Variants in KCNIP4 observed in about 807,000 individuals in gnomAD.
KCNIP4 encodes the protein Kv channel-interacting protein 4.
In KCNIP4, 12 loss-of-function variants were observed where a neutral mutation model predicts 34.0. The observed-to-expected ratio is 0.35, with a 90% confidence interval of 0.23 to 0.57. The LOEUF is 0.57. Ranked by LOEUF, KCNIP4 falls within the 20% of genes least tolerant of loss-of-function variation. KCNIP4 has a pLI of 0.83. For missense variants in KCNIP4, 238 were observed against 311.7 expected, an observed-to-expected ratio of 0.76 and a Z score of 1.78; for synonymous variants, 124 against 102.2, an observed-to-expected ratio of 1.21 and a Z score of -1.29.
At chr4:20,912,653 C>T (rs1728436430) in intron 1 of KCNIP4, among the ~76,000 whole-genome samples, 1 of 151,982 alleles carries the variant, frequency 6.6e-6, no homozygotes, top group South Asian at 2.1e-4. Context: ...AATTTAGTAT[C>T]CAAAATACAT....
chr4:20,855,223 C>T (rs984294159), intron 2 of KCNIP4, among the ~76,000 whole-genome samples: 3 of 152,156 alleles, frequency 2.0e-5, no homozygotes, highest in African/African-American at 4.8e-5. Flanking sequence ...TTCAGTCCAG[C>T]TCCTTTGAAG....
At chr4:21,181,505 C>A (rs779489099) in intron 1 of KCNIP4, among the ~76,000 whole-genome samples, 5 of 152,054 alleles carry the variant, frequency 3.3e-5, no homozygotes, top group African/African-American at 1.2e-4. Flanking sequence ...CTCATCCATA[C>A]GTTCATGCAT....
intron 1 of KCNIP4, among the ~76,000 whole-genome samples, chr4:21,139,394 T>C (rs910685259): frequency 6.6e-6 from 1 of 152,234 alleles, no homozygotes; most frequent in African/African-American, 2.4e-5. Flanking sequence ...CAACATGTTT[T>C]TGAGCATGTA....
chr4:21,777,802 T>A (rs1719281325), intron 1 of KCNIP4, among the ~76,000 whole-genome samples: 1 of 152,226 alleles, frequency 6.6e-6, no homozygotes, highest in Non-Finnish European at 1.5e-5. Flanking sequence ...GTTCTTTACT[T>A]CTTGAATAAT....
At chr4:20,887,134 G>C (rs1418707692) in intron 1 of KCNIP4, among the ~76,000 whole-genome samples, 1 of 151,868 alleles carries the variant, frequency 6.6e-6, no homozygotes, top group African/African-American at 2.4e-5. Context: ...TTCATTAGAT[G>C]GACTTAACAG....
intron 1 of KCNIP4, among the ~76,000 whole-genome samples, chr4:21,221,431 T>C (rs1420938751): frequency 6.6e-6 from 1 of 152,038 alleles, no homozygotes; most frequent in East Asian, 1.9e-4. Flanking sequence ...CTTACAATCA[T>C]GGTGGAAGGG....
chr4:21,062,629 CT>C (rs1300331242), intron 1 of KCNIP4, among the ~76,000 whole-genome samples: 14 of 151,826 alleles, frequency 9.2e-5, no homozygotes, highest in African/African-American at 3.4e-4. Flanking sequence ...CATGGTGAGT[CT>C]GCAAGCAGGA....
chr4:21,291,931 GAAAGA>G (rs1763540989), intron 1 of KCNIP4, among the ~76,000 whole-genome samples: 2 of 67,296 alleles, frequency 3.0e-5, no homozygotes, highest in Non-Finnish European at 5.3e-5. Context: ...AAGAAAGAAA[GAAAGA>G]AAAAAAAAGA....
intron 1 of KCNIP4, among the ~76,000 whole-genome samples, chr4:21,563,356 T>C (rs1373020725): frequency 6.6e-6 from 1 of 152,140 alleles, no homozygotes; most frequent in Non-Finnish European, 1.5e-5. Context: ...GTCAAATTTT[T>C]ACATAAAGTC....
chr4:20,859,761 C>T (rs1168866885), intron 2 of KCNIP4, among the ~76,000 whole-genome samples: 1 of 152,186 alleles, frequency 6.6e-6, no homozygotes, highest in Non-Finnish European at 1.5e-5. Context: ...GCAAATCATG[C>T]CATCCAGAAC....
At chr4:20,790,854 C>T (rs1472503024) in intron 3 of KCNIP4, among the ~76,000 whole-genome samples, 4 of 152,000 alleles carry the variant, frequency 2.6e-5, no homozygotes, top group African/African-American at 9.7e-5. Flanking sequence ...CAGAATTTTC[C>T]AAGTGCCATT....
In KCNIP4 at chr4:21,670,680, G is replaced by T. The variant is rs188849277; in HGVS notation, c.61+277891C>A. Among the ~76,000 whole-genome samples, 195 of 152,140 alleles carry T rather than the reference G, an allele frequency of 1.3e-3. 2 individuals carry two copies. The East Asian group carries it at 0.018, about 14-fold the overall frequency. ...TGAGTAAACCTTTTCTTTTGAGATG[G>T]AGTCTTGCTCTGTCGCCCAGGCTGG... On this transcript the variant is annotated intron_variant, in intron 1 of 8. Transcript: ENST00000382152.
intron 1 of KCNIP4, among the ~76,000 whole-genome samples, chr4:21,064,242 T>G (rs1446927681): frequency 6.6e-6 from 1 of 152,154 alleles, no homozygotes; most frequent in Non-Finnish European, 1.5e-5. Flanking sequence ...TGATCTTTAG[T>G]TAATGATTTA....
chr4:20,889,999 G>C (rs1725757469), intron 1 of KCNIP4, among the ~76,000 whole-genome samples: 2 of 151,938 alleles, frequency 1.3e-5, no homozygotes, highest in African/African-American at 4.8e-5. Flanking sequence ...AATATACAGT[G>C]GCTACATAGA....
intron 1 of KCNIP4, among the ~76,000 whole-genome samples, chr4:21,387,006 T>G (rs1331743514): frequency 4.6e-5 from 7 of 152,186 alleles, no homozygotes; most frequent in African/African-American, 9.7e-5. Context: ...CATTTTGCTA[T>G]GGGCTACAGG....
chr4:21,508,695 T>C (rs1010333060), intron 1 of KCNIP4, among the ~76,000 whole-genome samples: 1 of 152,208 alleles, frequency 6.6e-6, no homozygotes, highest in Admixed American at 6.5e-5. Flanking sequence ...ATAGGTCTGG[T>C]ACCATTCTTC....
intron 1 of KCNIP4, among the ~76,000 whole-genome samples, chr4:21,836,102 A>C (rs545491172): frequency 1.3e-5 from 2 of 152,266 alleles, no homozygotes; most frequent in South Asian, 2.1e-4. Context: ...GGGGCACACC[A>C]CCCCTAAATT....
At chr4:21,940,610 GATC>G (rs1459472597) in intron 1 of KCNIP4, among the ~76,000 whole-genome samples, 2 of 152,046 alleles carry the variant, frequency 1.3e-5, no homozygotes, top group Non-Finnish European at 2.9e-5. Flanking sequence ...TTGCTGAATT[GATC>G]TCATTTCATC....
intron 1 of KCNIP4, among the ~76,000 whole-genome samples, chr4:21,391,815 A>C (rs549309322): frequency 6.6e-6 from 1 of 152,152 alleles, no homozygotes; most frequent in African/African-American, 2.4e-5. Flanking sequence ...TTCAGCACAC[A>C]TACTGTTCCT....
Sources: allele counts gnomAD v4.1 joint callset (sites outside exome capture counted in the v4.1 genomes callset), GRCh38; gene constraint gnomAD v4.1.1; transcripts MANE v1.5; gene names NCBI Gene and HGNC (gene_info 2026-07-23, HGNC 2026-07-21).